KRT80: variants seen among roughly 807,000 people sequenced by gnomAD.
KRT80 encodes the protein keratin, type II cytoskeletal 80.
A neutral mutation model predicts 51.5 loss-of-function variants in KRT80; 36 were observed. The observed-to-expected ratio is 0.70, with a 90% CI of 0.54 to 0.92. KRT80 has a LOEUF of 0.92. Ranked by LOEUF, KRT80 falls within the 40% of genes least tolerant of loss-of-function variation. The probability of loss-of-function intolerance (pLI) is 0.00; values close to 1 mark genes in which losing one functional copy is unlikely to be tolerated. For synonymous variants in KRT80, 235 were observed against 248.3 expected (o/e 0.95, Z 0.50); for missense variants, 566 against 591.7 (o/e 0.96, Z 0.45).
In KRT80 at chr12:52,171,717, G is replaced by A; in HGVS notation, c.1179-4C>T. On this transcript the variant is annotated splice_polypyrimidine_tract_variant and splice_region_variant and intron_variant, in intron 7 of 8. Coordinates refer to ENST00000394815, the MANE Select transcript of KRT80 (RefSeq NM_182507.3). ...AGTGGCTGAGGGCGAGTCCATCCTG[G>A]GGGTGGGGGACGGGGGGGTGGGAGA... is the stretch of plus-strand genomic sequence containing the variant. 4 of 1,541,576 alleles carry A rather than the reference G, an allele frequency of 2.6e-6. No homozygotes were observed. The highest frequency in any genetic ancestry group is 1.2e-5 in the South Asian group (1 of 84,246).
intron 1 of KRT80, among the ~76,000 whole-genome samples, chr12:52,187,850 G>A (rs1432179889): frequency 2.0e-5 from 3 of 152,168 alleles, no homozygotes; most frequent in African/African-American, 7.2e-5. Flanking sequence ...AGGGTGGAGT[G>A]AGAGGAGAGA....
At chr12:52,174,962 T>C (rs1203475872) in intron 4 of KRT80, among the ~76,000 whole-genome samples, 4 of 152,034 alleles carry the variant, frequency 2.6e-5, no homozygotes, top group Admixed American at 6.5e-5. Flanking sequence ...CGACTGAGAA[T>C]TGCACCGAGT....
chr12:52,180,812 G>T (rs888859887), intron 3 of KRT80, 91 bp downstream of exon 3: 7 of 1,602,722 alleles, frequency 4.4e-6, no homozygotes, highest in Non-Finnish European at 6.0e-6. Flanking sequence ...TGAGGGCTTT[G>T]ATTGGGCATA....
rs1026533700 is a variant in KRT80, at chr12:52,191,708, C to T, written c.195G>A (p.Leu65=). ...ISKVTVNPGL[L]VPLDVKLDPA... is the part of the protein sequence containing the mutation. ...GGTCCAACTTGACATCCAGGGGCAC[C>T]AGCAGGCCGGGGTTCACAGTCACCT... The change falls in exon 1 of 9, where the codon CTG becomes CTA. Residue 65 remains leucine (L), a synonymous_variant. Coordinates refer to ENST00000394815, the MANE Select transcript of KRT80 (RefSeq NM_182507.3). 1 of 1,613,856 alleles carries T rather than the reference C, an allele frequency of 6.2e-7. No individual in the cohort carries two copies. The highest frequency in any genetic ancestry group is 1.1e-5 in the South Asian group (1 of 91,072).
rs200315755 is a variant in KRT80, at chr12:52,173,727, G to A, written c.704C>T (p.Ser235Leu). ...KDLAAQVKDVSVTVGMDSRCH... is the reference protein window; with the variant it reads ...KDLAAQVKDVLVTVGMDSRCH... The stretch of plus-strand genomic sequence containing the variant: ...GCGGCTGTCCATGCCGACGGTCACC[G>A]ACACATCCTTCACCTGTGCTGCCAG... Residue 235 changes from serine to leucine, a missense_variant, in exon 5 of 9, where the codon TCG becomes TTG. Transcript: ENST00000394815. The A allele has an allele frequency of 1.5e-5, 24 of 1,612,122 alleles. No individual in the cohort carries two copies. In the Admixed American group the frequency reaches 2.5e-4, roughly 17 times the overall value.
Position 52,171,729 on chromosome 12 carries a change from G to A in KRT80, c.1179-16C>T, listed in dbSNP as rs533158146. On this transcript the variant is annotated splice_polypyrimidine_tract_variant and intron_variant, in intron 7 of 8. Transcript: ENST00000394815. Reference sequence around the variant, plus strand: ...CGAGTCCATCCTGGGGGTGGGGGACGGGGGGGTGGGAGAGGGATATGATGG... The same window carrying A: ...CGAGTCCATCCTGGGGGTGGGGGACAGGGGGGTGGGAGAGGGATATGATGG... The A allele has an allele frequency of 8.7e-5, 123 of 1,416,546 alleles. No individual in the cohort carries two copies. Among genetic ancestry groups the A allele is most frequent in the Admixed American group, 5.6e-4 (28 of 50,264 alleles). 87.7% of individuals were successfully genotyped at this position (1,416,546 alleles called of 1,614,324 possible). A position where few individuals can be genotyped will look rare whatever the true frequency, so the allele number is the denominator to read the frequency against.
intron 1 of KRT80, among the ~76,000 whole-genome samples, chr12:52,189,916 G>A (rs1304761815): frequency 6.6e-6 from 1 of 152,248 alleles, no homozygotes; most frequent in African/African-American, 2.4e-5. Context: ...TGATATCAGT[G>A]CTGGCGTTTG....
chr12:52,190,993 G>A (rs10747627), intron 1 of KRT80, among the ~76,000 whole-genome samples: 119,090 of 152,012 alleles, frequency 0.78, 47,075 homozygotes, highest in East Asian at 0.9. Context: ...GTGCAGGAAG[G>A]CCCAACTGGC....
chr12:52,171,790 G>A, intron 7 of KRT80, 77 bp from the exon 8 acceptor site: 2 of 1,009,888 alleles, frequency 2.0e-6, no homozygotes, highest in Non-Finnish European at 3.0e-6. Flanking sequence ...ACTCCCCTGG[G>A]GGCTGGCAAG....
chr12:52,173,228 C>T lies in KRT80; in HGVS notation c.832-65G>A, dbSNP rs551587416. ...GCCGCTCCCAGCACTTGTTACCCGC[C>T]TCTGCTTTTTCTTGCATCCTCCAGT... On this transcript the variant is annotated intron_variant, in intron 5 of 8. Coordinates refer to ENST00000394815, the MANE Select transcript of KRT80 (RefSeq NM_182507.3). 3.3e-5 allele frequency: 49 copies of T among 1,476,120 alleles called. No individual in the cohort carries two copies. The African/African-American group carries it at 5.6e-4, about 17-fold the overall frequency. The allele number at this position is 1,476,120 out of a possible 1,614,324, so 91.4% of individuals were successfully genotyped here.
Position 52,172,312 on chromosome 12 carries a change from G to A in KRT80, c.1064C>T (p.Ala355Val). ...CAGCTGCCGCGCCATGTCCTGCTTGGCCTGCTGCAGGGCGGCCTCCAGCTG... is the reference window on the plus strand; with the variant it reads ...CAGCTGCCGCGCCATGTCCTGCTTGACCTGCTGCAGGGCGGCCTCCAGCTG... ...LAQLEAALQQ[A>V]KQDMARQLRK... The change falls in exon 7 of 9, where the codon GCC becomes GTC. Residue 355 changes from alanine to valine, a missense_variant. By Grantham distance (64) the Ala-to-Val change is moderately conservative. Transcript: ENST00000394815. 2 of 1,614,196 alleles carry A rather than the reference G, an allele frequency of 1.2e-6. No individual in the cohort carries two copies. The highest frequency in any genetic ancestry group is 1.7e-6 in the Non-Finnish European group (2 of 1,180,034).
intron 4 of KRT80, among the ~76,000 whole-genome samples, chr12:52,177,545 A>G (rs1209443218): frequency 6.6e-6 from 1 of 152,164 alleles, no homozygotes; most frequent in Non-Finnish European, 1.5e-5. Flanking sequence ...GGAGAGAGGC[A>G]GAGGGTTTGC....
rs1402203916 is a variant in KRT80 at position 52,169,847 on chromosome 12, G to C, written c.*1551C>G. ...GAGAATCTCTGAGTTCCCATGGCCA[G>C]AGAGTCAGTAACCCTCCAGTGCTCC... On this transcript the variant is annotated 3_prime_UTR_variant, in exon 9 of 9. Coordinates refer to ENST00000394815, the MANE Select transcript of KRT80 (RefSeq NM_182507.3). The C allele has an allele frequency of 6.6e-6, 1 of 152,260 alleles. No individual in the cohort carries two copies. The highest frequency in any genetic ancestry group is 2.4e-5 in the African/African-American group (1 of 41,462). 9.4% of individuals were successfully genotyped at this position (152,260 alleles called of 1,614,324 possible).
Position 52,172,983 on chromosome 12 carries a change from C to T in KRT80, c.957+55G>A. ...TCTTGCCTGTATTCAGCACACATGA[C>T]TGTGTGTCTCCCTGCTCTCCTCCCC... On this transcript the variant is annotated intron_variant, in intron 6 of 8. Transcript: ENST00000394815. 2.6e-6 allele frequency: 4 copies of T among 1,567,172 alleles called. No homozygotes were observed. In the South Asian group the frequency reaches 3.5e-5, roughly 14 times the overall value.
chr12:52,187,153 G>A (rs1459546199), intron 1 of KRT80, among the ~76,000 whole-genome samples: 1 of 152,238 alleles, frequency 6.6e-6, no homozygotes. Context: ...GTTGGGGCCT[G>A]GCTCCCGTCA....
At chr12:52,182,127 C>T (rs1029399796) in intron 2 of KRT80, among the ~76,000 whole-genome samples, 9 of 152,198 alleles carry the variant, frequency 5.9e-5, no homozygotes, top group African/African-American at 2.2e-4. Flanking sequence ...TCCCTGGCCA[C>T]TGCCTTGGCT....
intron 1 of KRT80, 89 bp downstream of exon 1, chr12:52,191,514 C>G: frequency 2.3e-5 from 30 of 1,311,170 alleles, no homozygotes; most frequent in Non-Finnish European, 3.2e-5. Context: ...GGGTGGGGCG[C>G]GGTGATCGAT....
At chr12:52,173,845 C>A in intron 4 of KRT80, 81 bp from the exon 5 acceptor site, 1 of 1,405,706 alleles carries the variant, frequency 7.1e-7, no homozygotes, top group Non-Finnish European at 9.8e-7. Flanking sequence ...ACTTTGTCCC[C>A]GGGGTGAGCG....
chr12:52,182,762 C>T (rs1023323773), intron 2 of KRT80, among the ~76,000 whole-genome samples: 3 of 152,134 alleles, frequency 2.0e-5, no homozygotes, highest in Non-Finnish European at 2.9e-5. Context: ...AGCATCCTCA[C>T]GGTATCCTGG....
Sources: allele counts gnomAD v4.1 joint callset (sites outside exome capture counted in the v4.1 genomes callset), GRCh38; gene constraint gnomAD v4.1.1; transcripts MANE v1.5; gene names NCBI Gene and HGNC (gene_info 2026-07-23, HGNC 2026-07-21).